Variants in NLRC4 observed in about 807,000 individuals in gnomAD.
The protein encoded by NLRC4 is NLR family CARD domain-containing protein 4.
A neutral mutation model predicts 79.9 loss-of-function variants in NLRC4; 63 were observed. The ratio of observed to expected loss-of-function variants is 0.79; its 90% confidence interval spans 0.64 to 0.97. The LOEUF is 0.97. NLRC4 is among the 50% of genes least tolerant of loss of function. The pLI, the probability that NLRC4 is intolerant of heterozygous loss-of-function variation, is 0.00. For synonymous variants in NLRC4, 461 were observed against 456.5 expected (o/e 1.01, Z -0.12); for missense variants, 1,074 against 1,215.2 (o/e 0.88, Z 1.73).
chr2:32,244,396 TAA>T (rs1430166159), intron 4 of NLRC4, among the ~76,000 whole-genome samples: 1 of 151,952 alleles, frequency 6.6e-6, no homozygotes, highest in Admixed American at 6.5e-5. Flanking sequence ...AGCAACTTGA[TAA>T]AAGACACCTA....
At chr2:32,229,868 G>A (rs1304201681) in intron 8 of NLRC4, among the ~76,000 whole-genome samples, 1 of 152,216 alleles carries the variant, frequency 6.6e-6, no homozygotes, top group East Asian at 1.9e-4. Context: ...GATGCAATGA[G>A]TAGAAAGTAG....
At chr2:32,262,433 A>G (rs1251801794) in intron 1 of NLRC4, among the ~76,000 whole-genome samples, 2 of 152,208 alleles carry the variant, frequency 1.3e-5, no homozygotes, top group African/African-American at 2.4e-5. Flanking sequence ...AAATCAATCC[A>G]TATACTGAAG....
chr2:32,244,359 A>G (rs1258694272), intron 4 of NLRC4, among the ~76,000 whole-genome samples: 1 of 151,940 alleles, frequency 6.6e-6, no homozygotes. Context: ...TCCAACACCT[A>G]TTCATGACCA....
intron 1 of NLRC4, 121 bp from the exon 2 acceptor site, chr2:32,257,014 T>G: frequency 2.1e-6 from 1 of 483,570 alleles, no homozygotes; most frequent in East Asian, 3.2e-5. Context: ...AAAAACTCGC[T>G]CAAAGCCCCT....
intron 2 of NLRC4, among the ~76,000 whole-genome samples, chr2:32,252,997 G>A (rs1025055820): frequency 4.6e-5 from 7 of 151,854 alleles, no homozygotes; most frequent in East Asian, 2.0e-4. Flanking sequence ...CGGCCTGGGC[G>A]AAAGAGCGAG....
At chr2:32,253,852 T>A (rs112482323) in intron 2 of NLRC4, among the ~76,000 whole-genome samples, 13,387 of 150,426 alleles carry the variant, frequency 0.089, 712 homozygotes, top group Middle Eastern at 0.15. Flanking sequence ...TAGTGGCAGC[T>A]ACTCAGGAGG....
intron 8 of NLRC4, among the ~76,000 whole-genome samples, chr2:32,233,883 G>A (rs966994198): frequency 3.3e-5 from 5 of 152,038 alleles, no homozygotes; most frequent in African/African-American, 9.7e-5. Context: ...ATGGGGTGTC[G>A]AGTCTCCAGC....
chr2:32,236,947 A>T (rs1686687491), intron 6 of NLRC4, among the ~76,000 whole-genome samples: 1 of 152,250 alleles, frequency 6.6e-6, no homozygotes, highest in African/African-American at 2.4e-5. Context: ...AAACACTCCA[A>T]TTAAAAGGCA....
chr2:32,239,081 G>C (rs1420790150), intron 5 of NLRC4, among the ~76,000 whole-genome samples: 2 of 152,116 alleles, frequency 1.3e-5, no homozygotes, highest in Non-Finnish European at 2.9e-5. Flanking sequence ...AGGAGTTCAA[G>C]ACCAGCCTGT....
At position 32,237,504 on chromosome 2, in the gene NLRC4, A is replaced by C. The variant is rs184107433; in HGVS notation, c.2521+628T>G. Among the ~76,000 whole-genome samples the C allele has an allele frequency of 1.1e-3, 169 of 152,342 alleles. 2 individuals are homozygous for C. In the South Asian group the frequency reaches 0.017, roughly 16 times the overall value. Reference sequence around the variant, plus strand: ...TAGCTGTAACTTTATATTAGTATACAAATGGCTTCCTTAGTTATCTTTAGA... The same window carrying C: ...TAGCTGTAACTTTATATTAGTATACCAATGGCTTCCTTAGTTATCTTTAGA... On this transcript the variant is annotated intron_variant, in intron 6 of 8. Transcript: ENST00000402280.
chr2:32,241,116 G>C lies in NLRC4; in HGVS notation c.2267C>G (p.Thr756Ser). Residue 756 changes from threonine (T) to serine (S), a missense_variant, in exon 5 of 9, where the codon ACT becomes AGT. Transcript: ENST00000402280. ...LQNQRLPGGL[T>S]DSLGNLKNLT... is the part of the protein sequence containing the mutation. ...GTTCTTCAAGTTACCCAAGCTGTCA[G>C]TCAGACCACCTGTCAAAAGAAAAAA... 1 of 1,599,364 alleles carries C rather than the reference G, an allele frequency of 6.3e-7. No homozygotes were observed. Among genetic ancestry groups the C allele is most frequent in the Non-Finnish European group, 8.6e-7 (1 of 1,169,560 alleles).
chr2:32,239,777 C>G (rs532897169), intron 5 of NLRC4, among the ~76,000 whole-genome samples: 19 of 152,302 alleles, frequency 1.2e-4, no homozygotes, highest in African/African-American at 2.4e-4. Flanking sequence ...TTGGTAAGAT[C>G]TTGAGCAAGT....
intron 8 of NLRC4, among the ~76,000 whole-genome samples, chr2:32,233,880 G>A (rs1686611610): frequency 6.6e-6 from 1 of 152,126 alleles, no homozygotes; most frequent in Admixed American, 6.5e-5. Flanking sequence ...TAAATGGGGT[G>A]TCGAGTCTCC....
chr2:32,258,617 C>T (rs1373990934), intron 1 of NLRC4, among the ~76,000 whole-genome samples: 1 of 152,122 alleles, frequency 6.6e-6, no homozygotes, highest in Non-Finnish European at 1.5e-5. Context: ...GCCTTGTACG[C>T]CAAGATGAGG....
intron 1 of NLRC4, among the ~76,000 whole-genome samples, chr2:32,263,480 A>T (rs1687399125): frequency 6.6e-6 from 1 of 152,196 alleles, no homozygotes; most frequent in African/African-American, 2.4e-5. Context: ...CTCACATGTT[A>T]ATATTAGTGT....
chr2:32,237,299 A>G (rs1558449291), intron 6 of NLRC4, among the ~76,000 whole-genome samples: 1 of 152,180 alleles, frequency 6.6e-6, no homozygotes, highest in Non-Finnish European at 1.5e-5. Context: ...TTCTTAAAGT[A>G]TCTTCTGGGT....
chr2:32,256,250 T>C (rs933833270), intron 2 of NLRC4, among the ~76,000 whole-genome samples: 6 of 152,284 alleles, frequency 3.9e-5, no homozygotes, highest in African/African-American at 1.4e-4. Context: ...ATATCTGCAT[T>C]ATACAATATG....
intron 2 of NLRC4, among the ~76,000 whole-genome samples, chr2:32,253,697 G>C (rs1486854307): frequency 6.6e-6 from 1 of 151,742 alleles, no homozygotes; most frequent in African/African-American, 2.4e-5. Context: ...GGGTGCGGTG[G>C]CTCACACCTG....
At chr2:32,227,327 G>T (rs376205994) in intron 8 of NLRC4, among the ~76,000 whole-genome samples, 1 of 152,200 alleles carries the variant, frequency 6.6e-6, no homozygotes, top group Non-Finnish European at 1.5e-5. Context: ...TCACAGCGTA[G>T]CCTATGCCCA....
Sources: allele counts gnomAD v4.1 joint callset (sites outside exome capture counted in the v4.1 genomes callset), GRCh38; gene constraint gnomAD v4.1.1; transcripts MANE v1.5; gene names NCBI Gene and HGNC (gene_info 2026-07-23, HGNC 2026-07-21).